PRUNE2: variants seen among roughly 807,000 people sequenced by gnomAD.
The protein encoded by PRUNE2 is prune homolog 2 with BCH domain, also known as protein prune homolog 2.
PRUNE2 carries 164 observed loss-of-function variants against 252.0 expected under a neutral mutation model. The ratio of observed to expected loss-of-function variants is 0.65; its 90% CI spans 0.57 to 0.74. The LOEUF (loss-of-function observed/expected upper bound fraction) is 0.74. Ranked by LOEUF, PRUNE2 falls within the 30% of genes least tolerant of loss-of-function variation. PRUNE2 has a pLI of 0.00. For synonymous variants in PRUNE2, 1,292 were observed against 1,350.2 expected, an observed-to-expected ratio of 0.96 and a Z score of 0.94; for missense variants, 3,495 against 3,711.0, an observed-to-expected ratio of 0.94 and a Z score of 1.51.
intron 6 of PRUNE2, among the ~76,000 whole-genome samples, chr9:76,804,906 A>G (rs1207350679): frequency 1.3e-4 from 20 of 152,198 alleles, no homozygotes; most frequent in Admixed American, 1.3e-3. Context: ...TGTTCCTTGC[A>G]GTATTCCTCA....
intron 9 of PRUNE2, among the ~76,000 whole-genome samples, chr9:76,656,352 C>T (rs557804841): frequency 6.6e-6 from 1 of 152,158 alleles, no homozygotes; most frequent in African/African-American, 2.4e-5. Context: ...GTGAGTTTCA[C>T]GTAATTTCAT....
In PRUNE2 at chr9:76,721,879, T is replaced by C. The variant is rs181117241; in HGVS notation, c.757-8158A>G. Among the ~76,000 whole-genome samples, 376 of 152,328 alleles carry C rather than the reference T, an allele frequency of 2.5e-3. 1 individual carries two copies. Among genetic ancestry groups the C allele is most frequent in the African/African-American group, 4.4e-3 (181 of 41,580 alleles). ...TATGATTTATGCAACCAAAATTCCA[T>C]TGTAATATTTAAAACATTCAGCAAT... On this transcript the variant is annotated intron_variant, in intron 6 of 18. Coordinates refer to ENST00000376718, the MANE Select transcript of PRUNE2 (RefSeq NM_015225.3).
intron 6 of PRUNE2, among the ~76,000 whole-genome samples, chr9:76,744,288 T>C (rs1275335464): frequency 1.3e-5 from 2 of 152,198 alleles, no homozygotes; most frequent in African/African-American, 4.8e-5. Flanking sequence ...ATAAAGGGAA[T>C]TAAAGCACTA....
At chr9:76,806,385 G>T (rs2056932832) in intron 6 of PRUNE2, among the ~76,000 whole-genome samples, 1 of 152,142 alleles carries the variant, frequency 6.6e-6, no homozygotes, top group Admixed American at 6.5e-5. Context: ...TGGTGTTACT[G>T]GACTCCGTGC....
Position 76,707,788 on chromosome 9 carries a change from T to C in PRUNE2, c.4486A>G (p.Ile1496Val), listed in dbSNP as rs1056953671. The stretch of plus-strand genomic sequence containing the variant: ...CTGCTGACATGCACATCACTGTCTA[T>C]AGGGACGTCCCCAAAATCAAGACTT... ...PRSLDFGDVP[I>V]DSDVHVSSTC... Residue 1496 changes from isoleucine to valine, a missense_variant, in exon 8 of 19, where the codon ATA becomes GTA. Ile to Val is a conservative substitution (Grantham distance 29, BLOSUM62 3). Transcript: ENST00000376718. The C allele has an allele frequency of 4.3e-6, 7 of 1,613,458 alleles. No homozygotes were observed. The highest frequency in any genetic ancestry group is 5.9e-6 in the Non-Finnish European group (7 of 1,179,618).
intron 1 of PRUNE2, among the ~76,000 whole-genome samples, chr9:76,897,119 A>C (rs1284317656): frequency 6.6e-6 from 1 of 152,216 alleles, no homozygotes; most frequent in Admixed American, 6.5e-5. Flanking sequence ...GTTGTCCAAA[A>C]GATTTTAACA....
intron 12 of PRUNE2, among the ~76,000 whole-genome samples, chr9:76,642,680 T>C (rs1436789251): frequency 6.6e-6 from 1 of 152,226 alleles, no homozygotes; most frequent in Non-Finnish European, 1.5e-5. Flanking sequence ...AGTAGGTTGG[T>C]AAGTAAGGAG....
chr9:76,705,873 A>G lies in PRUNE2; in HGVS notation c.6401T>C (p.Leu2134Pro). 1 of 1,613,652 alleles carries G rather than the reference A, an allele frequency of 6.2e-7. No individual in the cohort carries two copies. The highest frequency in any genetic ancestry group is 8.5e-7 in the Non-Finnish European group (1 of 1,179,812). Residue 2134 changes from leucine (L) to proline (P), a missense_variant, in exon 8 of 19, where the codon CTT becomes CCT. Physicochemically the swap from Leu to Pro is moderately conservative, Grantham distance 98. Coordinates refer to ENST00000376718, the MANE Select transcript of PRUNE2 (RefSeq NM_015225.3). ...CMGPEVESSE[L>P]CLTEPEIDEE... is the part of the protein sequence containing the mutation. ...ATCTATCTCTGGCTCAGTGAGACAA[A>G]GCTCACTGGATTCCACTTCAGGTCC...
chr9:76,801,269 G>C (rs1299166767), intron 6 of PRUNE2, among the ~76,000 whole-genome samples: 1 of 152,140 alleles, frequency 6.6e-6, no homozygotes, highest in African/African-American at 2.4e-5. Flanking sequence ...CTTTGAAAAG[G>C]ATAGCCTCAA....
In PRUNE2 at chr9:76,823,720, C is replaced by T. The variant is rs755483963; in HGVS notation, c.668G>A (p.Ser223Asn). The T allele has an allele frequency of 1.9e-6, 3 of 1,595,938 alleles. No homozygotes were observed. Among genetic ancestry groups the T allele is most frequent in the African/African-American group, 2.7e-5 (2 of 74,378 alleles). Residue 223 changes from serine to asparagine, a missense_variant, in exon 6 of 19, where the codon AGT becomes AAT. Ser to Asn is a conservative substitution (Grantham distance 46). Coordinates refer to ENST00000376718, the MANE Select transcript of PRUNE2 (RefSeq NM_015225.3). ...QETQFSAQGL[S>N]IEQTMLKDLK... ...ATCTTTCAACATTGTCTGTTCAATA[C>T]TTAAACCTGTGGATGACAGGAAAAA...
chr9:76,784,821 C>G (rs2054802959), intron 6 of PRUNE2: 1 of 152,490 alleles, frequency 6.6e-6, no homozygotes, highest in African/African-American at 2.4e-5. Context: ...TCAACATCAT[C>G]CTCAGTGTCT....
chr9:76,741,433 A>G (rs1438985632), intron 6 of PRUNE2, among the ~76,000 whole-genome samples: 1 of 152,240 alleles, frequency 6.6e-6, no homozygotes, highest in African/African-American at 2.4e-5. Context: ...TGGAGTCCTA[A>G]TTAGGGAAAA....
intron 6 of PRUNE2, among the ~76,000 whole-genome samples, chr9:76,793,812 T>C (rs1464472790): frequency 6.6e-6 from 1 of 152,192 alleles, no homozygotes; most frequent in African/African-American, 2.4e-5. Context: ...ACCCAGCTAG[T>C]TCATTACAAA....
intron 11 of PRUNE2, among the ~76,000 whole-genome samples, chr9:76,650,577 C>T (rs1847000897): frequency 6.6e-6 from 1 of 152,138 alleles, no homozygotes; most frequent in Admixed American, 6.6e-5. Flanking sequence ...CAAAATATAG[C>T]TATTCAGAGG....
chr9:76,744,369 C>T (rs1023516901), intron 6 of PRUNE2, among the ~76,000 whole-genome samples: 1 of 152,172 alleles, frequency 6.6e-6, no homozygotes, highest in African/African-American at 2.4e-5. Flanking sequence ...TAGAGAGAGG[C>T]CTCACTGGTG....
intron 6 of PRUNE2, among the ~76,000 whole-genome samples, chr9:76,723,909 G>T (rs989585195): frequency 1.3e-5 from 2 of 150,242 alleles, no homozygotes; most frequent in Admixed American, 1.3e-4. Flanking sequence ...CTGGGTTCAC[G>T]CCCTTCTCCT....
chr9:76,689,176 C>G (rs1467388073), intron 9 of PRUNE2, among the ~76,000 whole-genome samples: 6 of 152,172 alleles, frequency 3.9e-5, no homozygotes, highest in African/African-American at 1.4e-4. Context: ...ATATGCATTT[C>G]TTAGGGATAG....
At chr9:76,749,160 C>A (rs1321828864) in intron 6 of PRUNE2, among the ~76,000 whole-genome samples, 1 of 152,218 alleles carries the variant, frequency 6.6e-6, no homozygotes, top group African/African-American at 2.4e-5. Context: ...TACACTGTAA[C>A]ATATACCACT....
chr9:76,723,812 T>TC (rs1248222204), intron 6 of PRUNE2, among the ~76,000 whole-genome samples: 3 of 146,876 alleles, frequency 2.0e-5, no homozygotes, highest in African/African-American at 7.4e-5. Flanking sequence ...ATATCTTTCT[T>TC]TTTTTTTTTT....
Sources: allele counts gnomAD v4.1 joint callset (sites outside exome capture counted in the v4.1 genomes callset), GRCh38; gene constraint gnomAD v4.1.1; transcripts MANE v1.5; gene names NCBI Gene and HGNC (gene_info 2026-07-23, HGNC 2026-07-21).